PLD1: variants seen among roughly 807,000 people sequenced by gnomAD.
PLD1 encodes the protein choline phosphatase 1.
Under a neutral mutation model 137.1 loss-of-function variants are expected in PLD1, and 112 were observed. That is an observed-to-expected ratio of 0.82 (90% CI 0.70 to 0.96). The LOEUF is 0.96. Among genes scored for constraint, PLD1 ranks in the 40% least tolerant of loss-of-function variants. The pLI is 0.00. For synonymous variants in PLD1, 431 were observed against 454.7 expected (o/e 0.95, Z 0.66); for missense variants, 1,321 against 1,342.0 (o/e 0.98, Z 0.24).
intron 1 of PLD1, among the ~76,000 whole-genome samples, chr3:171,758,992 C>T (rs1004284190): frequency 3.3e-5 from 5 of 152,192 alleles, no homozygotes; most frequent in Non-Finnish European, 5.9e-5. Context: ...AGTAGAGCTG[C>T]CCTGTGGATT....
At chr3:171,707,409 AT>A (rs1305331081) in intron 11 of PLD1, among the ~76,000 whole-genome samples, 1 of 152,204 alleles carries the variant, frequency 6.6e-6, no homozygotes, top group Non-Finnish European at 1.5e-5. Context: ...TTTCAGAAAT[AT>A]TTTTTAAAGA....
chr3:171,678,622 T>C (rs1713630445), intron 16 of PLD1, among the ~76,000 whole-genome samples: 2 of 152,236 alleles, frequency 1.3e-5, no homozygotes, highest in African/African-American at 4.8e-5. Flanking sequence ...CTGCTTGCAG[T>C]AGCCAGTGAG....
intron 1 of PLD1, among the ~76,000 whole-genome samples, chr3:171,752,501 A>G (rs1255873250): frequency 9.2e-5 from 14 of 152,226 alleles, no homozygotes; most frequent in Admixed American, 9.2e-4. Flanking sequence ...CAATAAATGA[A>G]ACTTGTGGCC....
chr3:171,604,139 GACCA>G (rs1732021173), intron 26 of PLD1, among the ~76,000 whole-genome samples: 1 of 151,886 alleles, frequency 6.6e-6, no homozygotes, highest in Non-Finnish European at 1.5e-5. Flanking sequence ...AGGAGTTCAA[GACCA>G]GCCTGTATCA....
intron 23 of PLD1, 29 bp downstream of exon 23, chr3:171,642,811 A>C (rs942787791): frequency 1.5e-6 from 2 of 1,354,364 alleles, no homozygotes; most frequent in African/African-American, 1.5e-5. Flanking sequence ...ATAAAAAACA[A>C]TGATATGAGA....
intron 11 of PLD1, among the ~76,000 whole-genome samples, chr3:171,707,036 G>A (rs1716748625): frequency 6.6e-6 from 1 of 152,134 alleles, no homozygotes; most frequent in Admixed American, 6.5e-5. Flanking sequence ...TGGAGCTGGA[G>A]GCCATTATCC....
rs546680845 is a variant in PLD1, at chr3:171,638,057, C to T, written c.2593+4783G>A. On this transcript the variant is annotated intron_variant, in intron 23 of 26. Coordinates refer to ENST00000351298, the MANE Select transcript of PLD1 (RefSeq NM_002662.5). The stretch of plus-strand genomic sequence containing the variant: ...AAAATTAGCCAGGTGCGGCGATGGG[C>T]GCCTGCAGTCCCAGCTACTCGGGAG... Among the ~76,000 whole-genome samples the T allele has an allele frequency of 2.7e-3, 415 of 152,006 alleles. 3 individuals carry two copies. The highest frequency in any genetic ancestry group is 9.6e-3 in the African/African-American group (397 of 41,470).
At chr3:171,615,660 C>T (rs927939551) in intron 24 of PLD1, among the ~76,000 whole-genome samples, 2 of 152,120 alleles carry the variant, frequency 1.3e-5, no homozygotes, top group Non-Finnish European at 1.5e-5. Context: ...TTGAGATTTG[C>T]TTCTTTCATT....
Position 171,676,804 on chromosome 3 carries a change from TC to T in PLD1, c.2025del (p.Met676CysfsTer32), listed in dbSNP as rs1713411817. Reference protein sequence around the residue: ...ADFIDRYSTPRMPWHDIASAV... With the variant: ...ADFIDRYSTPXMPWHDIASAV... ...GCAGAGGCAATGTCATGCCAGGGCA[TC>T]CGGGGCGTGGAGTACCTGTCAATGA... On this transcript the variant is annotated frameshift_variant, in exon 18 of 27. Coordinates refer to ENST00000351298, the MANE Select transcript of PLD1 (RefSeq NM_002662.5). LOFTEE classifies it high-confidence loss of function. 2 of 1,614,084 alleles carry T rather than the reference TC, an allele frequency of 1.2e-6. No individual in the cohort carries two copies. Among genetic ancestry groups the T allele is most frequent in the African/African-American group, 2.7e-5 (2 of 75,044 alleles).
intron 12 of PLD1, 147 bp from the exon 13 acceptor site, chr3:171,692,589 C>T (rs776509881): frequency 2.8e-5 from 16 of 568,464 alleles, no homozygotes; most frequent in Non-Finnish European, 4.7e-5. Flanking sequence ...GGCGCAATCT[C>T]GGCTCACTGC....
intron 1 of PLD1, among the ~76,000 whole-genome samples, chr3:171,739,539 C>T (rs1355780541): frequency 6.6e-6 from 1 of 152,186 alleles, no homozygotes; most frequent in African/African-American, 2.4e-5. Flanking sequence ...CTCTTCCCTT[C>T]AACTTTCCCT....
chr3:171,795,256 A>G (rs558812415), intron 1 of PLD1, among the ~76,000 whole-genome samples: 1 of 152,350 alleles, frequency 6.6e-6, no homozygotes, highest in South Asian at 2.1e-4. Context: ...TGTGTCGCCC[A>G]TGGGAACCTG....
intron 1 of PLD1, among the ~76,000 whole-genome samples, chr3:171,746,076 C>T (rs917387627): frequency 6.6e-6 from 1 of 152,204 alleles, no homozygotes; most frequent in African/African-American, 2.4e-5. Context: ...TGCCGGCCCG[C>T]CCCACTGCGC....
intron 1 of PLD1, among the ~76,000 whole-genome samples, chr3:171,757,678 T>G (rs1317635926): frequency 6.6e-6 from 1 of 152,222 alleles, no homozygotes; most frequent in East Asian, 1.9e-4. Context: ...TACCTGCCTT[T>G]GATATCATTC....
At chr3:171,760,889 C>T (rs1348698232) in intron 1 of PLD1, among the ~76,000 whole-genome samples, 2 of 152,160 alleles carry the variant, frequency 1.3e-5, no homozygotes, top group Non-Finnish European at 2.9e-5. Flanking sequence ...TTGCTGGTGG[C>T]ATTGTTAATG....
At chr3:171,683,895 T>C (rs1182953346) in intron 16 of PLD1, among the ~76,000 whole-genome samples, 1 of 152,238 alleles carries the variant, frequency 6.6e-6, no homozygotes, top group African/African-American at 2.4e-5. Flanking sequence ...CCAACTACAG[T>C]TGTAATCATT....
chr3:171,617,502 C>T (rs1262944113), intron 24 of PLD1, among the ~76,000 whole-genome samples: 1 of 151,162 alleles, frequency 6.6e-6, no homozygotes, highest in African/African-American at 2.4e-5. Context: ...CGTTTCGCAT[C>T]TCTCTATTGT....
intron 1 of PLD1, among the ~76,000 whole-genome samples, chr3:171,764,885 A>G (rs1318050561): frequency 8.3e-5 from 2 of 24,062 alleles, no homozygotes; most frequent in African/African-American, 3.3e-4. Flanking sequence ...GAAAGAAAGA[A>G]AGAAAGAAAG....
chr3:171,726,196 A>G (rs1718492413), intron 6 of PLD1, 120 bp from the exon 7 acceptor site: 1 of 666,240 alleles, frequency 1.5e-6, no homozygotes, highest in Admixed American at 2.3e-5. Flanking sequence ...CAGACTACAC[A>G]GATCAATAAT....
Sources: allele counts gnomAD v4.1 joint callset (sites outside exome capture counted in the v4.1 genomes callset), GRCh38; gene constraint gnomAD v4.1.1; transcripts MANE v1.5; gene names NCBI Gene and HGNC (gene_info 2026-07-23, HGNC 2026-07-21).